The following UBE2K variants were observed in gnomAD, a reference collection of about 807,000 sequenced individuals.
The protein encoded by UBE2K is ubiquitin-conjugating enzyme E2 K.
Under a neutral mutation model 30.0 loss-of-function variants are expected in UBE2K, and 6 were observed. The ratio of observed to expected loss-of-function variants is 0.20; its 90% CI spans 0.11 to 0.39. UBE2K has a LOEUF of 0.39. Among genes scored for constraint, UBE2K ranks in the 10% least tolerant of loss-of-function variants. The pLI is 1.00. For synonymous variants in UBE2K, 86 were observed against 83.7 expected, an observed-to-expected ratio of 1.03 and a Z score of -0.15; for missense variants, 61 against 241.6, an observed-to-expected ratio of 0.25 and a Z score of 4.96.
At chr4:39,718,818 G>C (rs774703010) in intron 1 of UBE2K, among the ~76,000 whole-genome samples, 1 of 152,234 alleles carries the variant, frequency 6.6e-6, no homozygotes, top group Non-Finnish European at 1.5e-5. Context: ...CCAAGCCCAC[G>C]CCCACCTGGA....
chr4:39,710,438 T>A (rs1457169460), intron 1 of UBE2K, among the ~76,000 whole-genome samples: 3 of 151,906 alleles, frequency 2.0e-5, no homozygotes, highest in Non-Finnish European at 2.9e-5. Flanking sequence ...TTATCTTTTT[T>A]AAAATTTTTT....
At chr4:39,731,861 C>T (rs1225390471) in intron 1 of UBE2K, among the ~76,000 whole-genome samples, 1 of 152,074 alleles carries the variant, frequency 6.6e-6, no homozygotes, top group Non-Finnish European at 1.5e-5. Flanking sequence ...ATGAGCAGGG[C>T]TCCTAAAACA....
chr4:39,722,732 T>G (rs935354226), intron 1 of UBE2K, among the ~76,000 whole-genome samples: 1 of 151,982 alleles, frequency 6.6e-6, no homozygotes, highest in African/African-American at 2.4e-5. Context: ...TGTGGGATTT[T>G]TTTTTCCTCA....
rs375096137 is a variant in UBE2K, at chr4:39,720,728, GT to G, written c.64-16685del. ...ATGAATAATGGAAAAACATTTTATT[GT>G]TTTTTTCTATGTATATATGTTTTTA... is the stretch of plus-strand genomic sequence containing the variant. On this transcript the variant is annotated intron_variant, in intron 1 of 6. Transcript: ENST00000261427. 8.5e-3 allele frequency among the ~76,000 whole-genome samples: 1,291 copies of G among 152,164 alleles called. 16 individuals are homozygous for G. The highest frequency in any genetic ancestry group is 0.029 in the African/African-American group (1,199 of 41,510).
chr4:39,752,681 A>G (rs1721332341), intron 3 of UBE2K, among the ~76,000 whole-genome samples: 1 of 152,098 alleles, frequency 6.6e-6, no homozygotes, highest in Admixed American at 6.5e-5. Flanking sequence ...GAGTTCTGAC[A>G]TTATGGCATA....
At chr4:39,773,900 G>A (rs949244770) in intron 4 of UBE2K, among the ~76,000 whole-genome samples, 9 of 152,074 alleles carry the variant, frequency 5.9e-5, no homozygotes, top group East Asian at 5.8e-4. Flanking sequence ...CAGCCTGGGC[G>A]ACAGAGTGAG....
intron 1 of UBE2K, among the ~76,000 whole-genome samples, chr4:39,704,685 C>T (rs1578412341): frequency 6.6e-6 from 1 of 151,950 alleles, no homozygotes; most frequent in South Asian, 2.1e-4. Flanking sequence ...GGACTAAAGG[C>T]GTCTGCCACC....
chr4:39,775,005 TTAAC>T (rs1713201912), intron 5 of UBE2K, 72 bp downstream of exon 5: 2 of 932,490 alleles, frequency 2.1e-6, no homozygotes, highest in Middle Eastern at 2.2e-4. Flanking sequence ...GGTTTGCACA[TTAAC>T]ACATGAGCAT....
Position 39,708,908 on chromosome 4 carries a change from G to A in UBE2K, c.63+10518G>A, listed in dbSNP as rs560353588. Among the ~76,000 whole-genome samples, 3 of 149,944 alleles carry A rather than the reference G, an allele frequency of 2.0e-5. No individual in the cohort carries two copies. In the East Asian group the frequency reaches 5.9e-4, roughly 29 times the overall value. On this transcript the variant is annotated intron_variant, in intron 1 of 6. Transcript: ENST00000261427. Reference sequence around the variant, plus strand: ...CTTTACAGAAGGGGATAACAATGCAGTATTATTTGTGTCTTTTTTTTTTTT... The same window carrying A: ...CTTTACAGAAGGGGATAACAATGCAATATTATTTGTGTCTTTTTTTTTTTT...
At chr4:39,756,214 CT>C (rs1231802996) in intron 4 of UBE2K, among the ~76,000 whole-genome samples, 1 of 152,148 alleles carries the variant, frequency 6.6e-6, no homozygotes, top group Non-Finnish European at 1.5e-5. Context: ...TGTGCTTTCA[CT>C]TTTTTTGTCT....
chr4:39,737,301 T>C (rs1461853229), intron 1 of UBE2K, 119 bp from the exon 2 acceptor site: 10 of 508,192 alleles, frequency 2.0e-5, no homozygotes, highest in Non-Finnish European at 3.4e-5. Flanking sequence ...CCGAGACTTA[T>C]TTTACTAGAG....
intron 1 of UBE2K, among the ~76,000 whole-genome samples, chr4:39,713,438 G>C (rs904717571): frequency 6.6e-6 from 1 of 151,840 alleles, no homozygotes; most frequent in Non-Finnish European, 1.5e-5. Flanking sequence ...GATTACAAGC[G>C]TGAGCCACTG....
chr4:39,750,321 A>G (rs1325799888), intron 3 of UBE2K, among the ~76,000 whole-genome samples: 1 of 152,244 alleles, frequency 6.6e-6, no homozygotes, highest in Non-Finnish European at 1.5e-5. Flanking sequence ...GTTAAACTAA[A>G]GAGTGAATGA....
intron 2 of UBE2K, 29 bp from the exon 3 acceptor site, chr4:39,745,723 T>A (rs1720954817): frequency 6.7e-7 from 1 of 1,496,664 alleles, no homozygotes; most frequent in Non-Finnish European, 9.3e-7. Flanking sequence ...TGAGCAGCAT[T>A]CTTAACTTTG....
At chr4:39,702,256 T>TGAGACGGAG (rs1718071754) in intron 1 of UBE2K, among the ~76,000 whole-genome samples, 1 of 28,848 alleles carries the variant, frequency 3.5e-5, no homozygotes, top group Non-Finnish European at 6.1e-5. Flanking sequence ...TTTTTTTTTT[T>TGAGACGGAG]TTTTTTTTTT....
chr4:39,733,921 G>T (rs1221263913), intron 1 of UBE2K, among the ~76,000 whole-genome samples: 1 of 152,110 alleles, frequency 6.6e-6, no homozygotes, highest in Non-Finnish European at 1.5e-5. Context: ...AAGTTCGCTT[G>T]TGGGAGCAGG....
At chr4:39,729,597 T>G (rs746853208) in intron 1 of UBE2K, among the ~76,000 whole-genome samples, 6 of 152,202 alleles carry the variant, frequency 3.9e-5, no homozygotes, top group Non-Finnish European at 5.9e-5. Context: ...ACTGGTTTCC[T>G]AAGTATTCTC....
chr4:39,762,848 G>A (rs1409665610), intron 4 of UBE2K, among the ~76,000 whole-genome samples: 2 of 151,866 alleles, frequency 1.3e-5, no homozygotes, highest in Non-Finnish European at 2.9e-5. Flanking sequence ...TGGCCAGGCT[G>A]GTCTCGAACT....
rs1712785620 is a variant in UBE2K at position 39,771,088 on chromosome 4, T to C, written c.300-3746T>C. On this transcript the variant is annotated intron_variant, in intron 4 of 6. Coordinates refer to ENST00000261427, the MANE Select transcript of UBE2K (RefSeq NM_005339.5). ...CTGGCTGAGGGCATTCTGGCATTTC[T>C]CCACCACGTGCTCCATCTGCAGGTA... The C allele has an allele frequency of 2.5e-6, 4 of 1,612,730 alleles. No homozygotes were observed. In the African/African-American group the frequency reaches 5.3e-5, roughly 21 times the overall value.
Sources: gnomAD v4.1 joint callset for allele counts (sites outside exome capture counted in the v4.1 genomes callset) on GRCh38, gnomAD v4.1.1 for gene constraint, MANE v1.5 for transcripts, NCBI Gene and HGNC (gene_info 2026-07-23, HGNC 2026-07-21) for gene names.